The following CADM2 variants were observed in gnomAD, a reference collection of about 807,000 sequenced individuals.
CADM2 encodes cell adhesion molecule 2, also known as immunoglobulin superfamily member 4D.
Under a neutral mutation model 49.8 loss-of-function variants are expected in CADM2, and 12 were observed. That is an observed-to-expected ratio of 0.24 (90% confidence interval 0.15 to 0.39). CADM2 has a LOEUF of 0.39. Among genes scored for constraint, CADM2 ranks in the 10% least tolerant of loss-of-function variants. The probability of loss-of-function intolerance (pLI) is 1.00; values close to 1 mark genes in which losing one functional copy is unlikely to be tolerated. For synonymous variants in CADM2, 214 were observed against 175.4 expected (o/e 1.22, Z -1.74); for missense variants, 378 against 492.3 (o/e 0.77, Z 2.20).
intron 1 of CADM2, among the ~76,000 whole-genome samples, chr3:85,534,221 T>C (rs1021608758): frequency 6.6e-6 from 1 of 152,196 alleles, no homozygotes; most frequent in African/African-American, 2.4e-5. Context: ...ATGTTTCCCT[T>C]AACTCTTGCC....
intron 1 of CADM2, among the ~76,000 whole-genome samples, chr3:85,090,407 T>G (rs2107522188): frequency 6.6e-6 from 1 of 152,314 alleles, no homozygotes; most frequent in Non-Finnish European, 1.5e-5. Flanking sequence ...AAACACGTTT[T>G]TGTGTCTTGT....
intron 2 of CADM2, among the ~76,000 whole-genome samples, chr3:85,769,446 G>A (rs1212878953): frequency 7.4e-5 from 6 of 81,462 alleles, no homozygotes; most frequent in African/African-American, 1.1e-4. Context: ...ATATATACAC[G>A]TATATACATA....
At chr3:85,838,100 C>T (rs1180350164) in intron 3 of CADM2, among the ~76,000 whole-genome samples, 2 of 151,738 alleles carry the variant, frequency 1.3e-5, no homozygotes, top group Non-Finnish European at 2.9e-5. Flanking sequence ...ACATACTCAA[C>T]TCAAATTTTA....
intron 1 of CADM2, among the ~76,000 whole-genome samples, chr3:85,082,997 A>T (rs2037227794): frequency 6.6e-6 from 1 of 152,160 alleles, no homozygotes; most frequent in East Asian, 1.9e-4. Flanking sequence ...TCATTTTACA[A>T]CTTCGAGAAT....
chr3:85,661,439 A>C (rs2107610542), intron 1 of CADM2, among the ~76,000 whole-genome samples: 1 of 152,184 alleles, frequency 6.6e-6, no homozygotes, highest in African/African-American at 2.4e-5. Context: ...CAAATGAAAA[A>C]GATGCTAGTT....
chr3:85,193,922 C>G (rs1203888380), intron 1 of CADM2, among the ~76,000 whole-genome samples: 1 of 152,066 alleles, frequency 6.6e-6, no homozygotes, highest in African/African-American at 2.4e-5. Context: ...TGGTCTGACC[C>G]TGTTTAATTT....
intron 2 of CADM2, among the ~76,000 whole-genome samples, chr3:85,800,637 A>G (rs773120929): frequency 1.3e-5 from 2 of 152,144 alleles, no homozygotes; most frequent in African/African-American, 2.4e-5. Context: ...ACAGGACCTC[A>G]TGGCTTCTCT....
intron 3 of CADM2, among the ~76,000 whole-genome samples, chr3:85,868,891 C>T (rs146313273): frequency 6.6e-6 from 1 of 152,194 alleles, no homozygotes; most frequent in Admixed American, 6.5e-5. Context: ...TCTTTTGCAC[C>T]TTTATCTTCA....
intron 1 of CADM2, among the ~76,000 whole-genome samples, chr3:85,491,756 C>G (rs535173934): frequency 1.3e-5 from 2 of 151,916 alleles, no homozygotes; most frequent in Admixed American, 1.3e-4. Flanking sequence ...TCGAGACCAT[C>G]CTTGCTGACA....
intron 1 of CADM2, among the ~76,000 whole-genome samples, chr3:85,319,086 A>G (rs2044538619): frequency 6.6e-6 from 1 of 152,188 alleles, no homozygotes; most frequent in Non-Finnish European, 1.5e-5. Context: ...TCAAAAGGTA[A>G]AAAAGAAAAA....
At chr3:85,711,807 A>G (rs968411583) in intron 1 of CADM2, among the ~76,000 whole-genome samples, 2 of 152,326 alleles carry the variant, frequency 1.3e-5, no homozygotes, top group African/African-American at 4.8e-5. Flanking sequence ...GGTATTTATT[A>G]ATATATGAAC....
chr3:85,613,005 G>C (rs2063716381), intron 1 of CADM2, among the ~76,000 whole-genome samples: 2 of 151,664 alleles, frequency 1.3e-5, no homozygotes, highest in South Asian at 2.1e-4. Flanking sequence ...AAATTACAGA[G>C]ATGGAATGAC....
In CADM2 at chr3:85,726,625, G is replaced by A. The variant is rs534857623; in HGVS notation, c.88+77G>A. ...ATCTTCTAAGTTCTCTTAAATGATA[G>A]AACCAATTCGGTTGGTGATAATACT... On this transcript the variant is annotated intron_variant, in intron 2 of 9. Transcript: ENST00000383699. 9 of 1,143,716 alleles carry A rather than the reference G, an allele frequency of 7.9e-6. No homozygotes were observed. The African/African-American group carries it at 1.4e-4, about 17-fold the overall frequency. The allele number at this position is 1,143,716 out of a possible 1,614,324, so 70.8% of individuals were successfully genotyped here. A position where few individuals can be genotyped will look rare whatever the true frequency, so the allele number is the denominator to read the frequency against.
chr3:85,835,017 T>G (rs1332847126), intron 3 of CADM2, among the ~76,000 whole-genome samples: 1 of 151,676 alleles, frequency 6.6e-6, no homozygotes, highest in African/African-American at 2.4e-5. Context: ...TGTGTGTGAA[T>G]GTTGAAATCA....
At chr3:85,402,569 A>T (rs2035168184) in intron 1 of CADM2, among the ~76,000 whole-genome samples, 1 of 152,154 alleles carries the variant, frequency 6.6e-6, no homozygotes, top group African/African-American at 2.4e-5. Flanking sequence ...TATAAAAAAA[A>T]ATCCATCAAT....
chr3:86,013,572 T>C (rs1490326575), intron 8 of CADM2: 5 of 1,601,832 alleles, frequency 3.1e-6, no homozygotes, highest in Admixed American at 1.7e-5. Context: ...CTGTGAGAGC[T>C]GTATTCGAGA....
At chr3:85,536,962 T>C (rs1350618429) in intron 1 of CADM2, among the ~76,000 whole-genome samples, 2 of 151,764 alleles carry the variant, frequency 1.3e-5, no homozygotes, top group Non-Finnish European at 2.9e-5. Context: ...CAAAAAAAAA[T>C]AGGATTTGAT....
chr3:85,916,173 CTTTT>C (rs1202117960), intron 6 of CADM2, among the ~76,000 whole-genome samples: 1 of 151,854 alleles, frequency 6.6e-6, no homozygotes, highest in Non-Finnish European at 1.5e-5. Flanking sequence ...AGAGAGTTCT[CTTTT>C]TTTATTATTA....
In CADM2 at chr3:85,568,463, C is replaced by CAT. The variant is rs1553743627; in HGVS notation, c.62-158059_62-158058insAT. ...TCTTTCTTTCTTTCTTTCTTTCTTT[C>CAT]TCTTTCTCTCTCTTTCTTTCTTTCT... On this transcript the variant is annotated intron_variant, in intron 1 of 9. Coordinates refer to ENST00000383699, the MANE Select transcript of CADM2 (RefSeq NM_001167675.2). Among the ~76,000 whole-genome samples the CAT allele has an allele frequency of 3.2e-3, 42 of 13,190 alleles. 8 individuals carry two copies. Among genetic ancestry groups the CAT allele is most frequent in the Middle Eastern group, 0.11 (2 of 18 alleles). The allele number at this position is 13,190 out of a possible 152,430, so 8.7% of individuals were successfully genotyped here.
Sources: gnomAD v4.1 joint callset for allele counts (sites outside exome capture counted in the v4.1 genomes callset) on GRCh38, gnomAD v4.1.1 for gene constraint, MANE v1.5 for transcripts, NCBI Gene and HGNC (gene_info 2026-07-23, HGNC 2026-07-21) for gene names.